The following KIAA1549L variants were observed in gnomAD, a reference collection of about 807,000 sequenced individuals.
The protein encoded by KIAA1549L is UPF0606 protein KIAA1549L.
In KIAA1549L, 88 loss-of-function variants were observed where a neutral mutation model predicts 160.7. The observed-to-expected ratio is 0.55, with a 90% confidence interval of 0.46 to 0.65. KIAA1549L has a LOEUF of 0.65. Among genes scored for constraint, KIAA1549L ranks in the 30% least tolerant of loss-of-function variants. The pLI is 0.00. For synonymous variants in KIAA1549L, 950 were observed against 976.7 expected (o/e 0.97, Z 0.51); for missense variants, 2,258 against 2,437.5 (o/e 0.93, Z 1.55).
At chr11:33,487,424 T>C (rs929794763) in intron 1 of KIAA1549L, among the ~76,000 whole-genome samples, 43 of 148,486 alleles carry the variant, frequency 2.9e-4, no homozygotes, top group Non-Finnish European at 4.8e-4. Flanking sequence ...TTTTTTTTTT[T>C]GGTCTATTCT....
intron 16 of KIAA1549L, among the ~76,000 whole-genome samples, chr11:33,643,482 G>A (rs546869223): frequency 6.6e-6 from 1 of 152,280 alleles, no homozygotes; most frequent in African/African-American, 2.4e-5. Flanking sequence ...CACAGCTCAG[G>A]GGTGGGGAAA....
At chr11:33,389,260 A>G (rs924587965) in intron 1 of KIAA1549L, among the ~76,000 whole-genome samples, 1 of 152,200 alleles carries the variant, frequency 6.6e-6, no homozygotes. Flanking sequence ...TTCCCCTGTC[A>G]CTTGCCTTTT....
At chr11:33,498,172 G>C (rs760934782) in intron 1 of KIAA1549L, among the ~76,000 whole-genome samples, 1 of 152,180 alleles carries the variant, frequency 6.6e-6, no homozygotes, top group Non-Finnish European at 1.5e-5. Flanking sequence ...GCATGCACCT[G>C]TGGTCCCAGC....
chr11:33,534,581 T>C (rs1590318316), intron 1 of KIAA1549L, among the ~76,000 whole-genome samples: 1 of 152,252 alleles, frequency 6.6e-6, no homozygotes, highest in East Asian at 1.9e-4. Context: ...TTTTTTTTCT[T>C]GAAAAATGGA....
chr11:33,586,290 C>G (rs1183397119), intron 11 of KIAA1549L, among the ~76,000 whole-genome samples: 1 of 152,190 alleles, frequency 6.6e-6, no homozygotes, highest in Non-Finnish European at 1.5e-5. Context: ...ACTTAACATG[C>G]TAAGCAGAGG....
In KIAA1549L at chr11:33,669,035, A is replaced by G. The variant is rs533338058; in HGVS notation, c.*881A>G. 2 of 152,326 alleles carry G rather than the reference A, an allele frequency of 1.3e-5. No individual in the cohort carries two copies. Among genetic ancestry groups the G allele is most frequent in the South Asian group, 2.1e-4 (1 of 4,826 alleles). The allele number at this position is 152,326 out of a possible 1,614,324, so 9.4% of individuals were successfully genotyped here. ...TTTTCTTGGGATAATAGATACATCA[A>G]CTTTTACAAGAAAATCTCTGTCTCT... is the stretch of plus-strand genomic sequence containing the variant. On this transcript the variant is annotated 3_prime_UTR_variant, in exon 21 of 21. Coordinates refer to ENST00000658780, the MANE Select transcript of KIAA1549L (RefSeq NM_012194.3).
At chr11:33,649,527 A>AAAT (rs142155575) in intron 17 of KIAA1549L, among the ~76,000 whole-genome samples, 2 of 142,188 alleles carry the variant, frequency 1.4e-5, no homozygotes, top group African/African-American at 2.6e-5. Context: ...AAAAAAAAAA[A>AAAT]GAAGCAGCAG....
chr11:33,595,715 C>T (rs1391108279), intron 12 of KIAA1549L, among the ~76,000 whole-genome samples: 3 of 152,240 alleles, frequency 2.0e-5, no homozygotes, highest in Non-Finnish European at 2.9e-5. Context: ...TTCTGGCTTC[C>T]CCATCTTGCC....
chr11:33,568,475 C>T (rs1362374683), intron 9 of KIAA1549L, among the ~76,000 whole-genome samples: 1 of 152,086 alleles, frequency 6.6e-6, no homozygotes, highest in Non-Finnish European at 1.5e-5. Flanking sequence ...AAGGAAGTCT[C>T]GGTACAAAAT....
Position 33,645,755 on chromosome 11 carries a change from C to T in KIAA1549L, c.5479C>T (p.Arg1827Ter), listed in dbSNP as rs769616512. Residue 1827 changes from arginine (R) to a stop codon, truncating the protein, a stop_gained, in exon 17 of 21, where the codon CGA (arginine) becomes TGA (stop). Transcript: ENST00000658780. LOFTEE classifies it high-confidence loss of function. ...TGAGCCCCGGGGCTATTCCAGGTCT[C>T]GACAGGTGAAAGGCCACTCGGAGAC... ...VPEPRGYSRS[R>*]QVKGHSETST... 11 of 1,613,784 alleles carry T rather than the reference C, an allele frequency of 6.8e-6. No individual in the cohort carries two copies. Among genetic ancestry groups the T allele is most frequent in the Non-Finnish European group, 6.8e-6 (8 of 1,179,852 alleles).
In KIAA1549L at chr11:33,498,966, T is replaced by G. The variant is rs528592236; in HGVS notation, c.239-42836T>G. 1.2e-4 allele frequency among the ~76,000 whole-genome samples: 18 copies of G among 152,292 alleles called. No homozygotes were observed. The East Asian group carries it at 1.9e-3, about 16-fold the overall frequency. On this transcript the variant is annotated intron_variant, in intron 1 of 20. Transcript: ENST00000658780. ...CACCCTGATGACTCTCAAAGAGCCC[T>G]GTGAGGAAGTGCAGGTTGTCGAACC...
intron 10 of KIAA1549L, among the ~76,000 whole-genome samples, chr11:33,576,572 A>G (rs1403967002): frequency 3.9e-5 from 6 of 152,184 alleles, no homozygotes; most frequent in Non-Finnish European, 8.8e-5. Flanking sequence ...CATAGAGGAC[A>G]GGAGTGAAAA....
At chr11:33,378,765 G>C (rs1368281513) in intron 1 of KIAA1549L, among the ~76,000 whole-genome samples, 1 of 151,924 alleles carries the variant, frequency 6.6e-6, no homozygotes, top group African/African-American at 2.4e-5. Context: ...GTTTGCCACT[G>C]ATTCAATTCC....
At chr11:33,619,546 C>T (rs1378171438) in intron 16 of KIAA1549L, among the ~76,000 whole-genome samples, 1 of 152,090 alleles carries the variant, frequency 6.6e-6, no homozygotes, top group Non-Finnish European at 1.5e-5. Context: ...ATTTTTCTCC[C>T]TCAGGATTAG....
intron 1 of KIAA1549L, among the ~76,000 whole-genome samples, chr11:33,478,412 G>A (rs1267441457): frequency 3.3e-5 from 5 of 152,346 alleles, no homozygotes; most frequent in Admixed American, 3.3e-4. Context: ...AACCCGTTGG[G>A]GGAGGAACAG....
chr11:33,430,038 CCTTCCTT>C (rs1344126713), intron 1 of KIAA1549L, among the ~76,000 whole-genome samples: 5 of 141,892 alleles, frequency 3.5e-5, no homozygotes, highest in African/African-American at 5.3e-5. Context: ...TTCCTTCCTT[CCTTCCTT>C]CCTCCCTTCC....
At chr11:33,664,593 C>T (rs1852377687) in intron 20 of KIAA1549L, among the ~76,000 whole-genome samples, 2 of 152,186 alleles carry the variant, frequency 1.3e-5, no homozygotes, top group South Asian at 4.1e-4. Flanking sequence ...GGCGAACCCC[C>T]TAATGAATGG....
intron 1 of KIAA1549L, among the ~76,000 whole-genome samples, chr11:33,504,896 A>G (rs1003020538): frequency 1.3e-5 from 2 of 152,124 alleles, no homozygotes; most frequent in African/African-American, 4.8e-5. Flanking sequence ...TCTCCCCAGT[A>G]GCTGAGACTA....
chr11:33,437,699 C>T, intron 1 of KIAA1549L, among the ~76,000 whole-genome samples: 1 of 152,192 alleles, frequency 6.6e-6, no homozygotes, highest in South Asian at 2.1e-4. Flanking sequence ...CCTTTACTAG[C>T]CTGCACTGCA....
Sources: gnomAD v4.1 joint callset for allele counts (sites outside exome capture counted in the v4.1 genomes callset) on GRCh38, gnomAD v4.1.1 for gene constraint, MANE v1.5 for transcripts, NCBI Gene and HGNC (gene_info 2026-07-23, HGNC 2026-07-21) for gene names.